DPPA4: variants seen among roughly 807,000 people sequenced by gnomAD.
The protein encoded by DPPA4 is developmental pluripotency-associated protein 4.
Under a neutral mutation model 33.7 loss-of-function variants are expected in DPPA4, and 22 were observed. The ratio of observed to expected loss-of-function variants is 0.65; its 90% CI spans 0.47 to 0.93. The LOEUF (loss-of-function observed/expected upper bound fraction) is 0.93. DPPA4 is among the 40% of genes least tolerant of loss of function. DPPA4 has a pLI of 0.00. For missense variants in DPPA4, 340 were observed against 358.6 expected (o/e 0.95, Z 0.42); for synonymous variants, 156 against 132.3 (o/e 1.18, Z -1.23).
intron 1 of DPPA4, among the ~76,000 whole-genome samples, chr3:109,335,944 G>A (rs1241407425): frequency 6.6e-6 from 1 of 151,660 alleles, no homozygotes; most frequent in Non-Finnish European, 1.5e-5. Context: ...ATTGAGGTCA[G>A]GAGTTCGAGA....
rs1380047842 is a variant in DPPA4, at chr3:109,326,704, C to CA, written c.*1283dup. ...CAGGACTATAAGTTTAGGAAGTACA[C>CA]AAAAAAATTAAAAATTAATTACACA... On this transcript the variant is annotated 3_prime_UTR_variant, in exon 7 of 7. Coordinates refer to ENST00000335658, the MANE Select transcript of DPPA4 (RefSeq NM_018189.4). 6.6e-6 allele frequency: 1 copy of CA among 151,940 alleles called. No homozygotes were observed. Among genetic ancestry groups the CA allele is most frequent in the African/African-American group, 2.4e-5 (1 of 41,358 alleles). 9.4% of individuals were successfully genotyped at this position (151,940 alleles called of 1,614,324 possible).
At chr3:109,333,356 A>C in intron 2 of DPPA4, 1 of 136,270 alleles carries the variant, frequency 7.3e-6, no homozygotes, top group African/African-American at 3.3e-5. Context: ...TCTCAAAAAA[A>C]AAAAAAAAAA....
intron 2 of DPPA4, chr3:109,333,583 C>T: frequency 4.5e-6 from 1 of 223,096 alleles, no homozygotes; most frequent in Non-Finnish European, 8.8e-6. Context: ...CTGTCTGTTC[C>T]CAAATCATTG....
At chr3:109,329,550 C>T (rs1342949044) in intron 5 of DPPA4, 1 of 161,182 alleles carries the variant, frequency 6.2e-6, no homozygotes, top group Non-Finnish European at 1.4e-5. Flanking sequence ...CAAAACAAAA[C>T]AAAAAGCATA....
intron 5 of DPPA4, 134 bp downstream of exon 5, chr3:109,330,390 A>C (rs1352056238): frequency 2.0e-6 from 2 of 976,266 alleles, no homozygotes; most frequent in South Asian, 2.7e-5. Context: ...CCTGCACCAG[A>C]AACTCTGTGG....
Position 109,330,580 on chromosome 3 carries a change from C to G in DPPA4, c.623G>C (p.Arg208Thr). 1 of 1,614,110 alleles carries G rather than the reference C, an allele frequency of 6.2e-7. No individual in the cohort carries two copies. Residue 208 changes from arginine to threonine, a missense_variant, in exon 5 of 7, where the codon AGA (arginine) becomes ACA (threonine). Arg to Thr is a moderately conservative substitution (Grantham distance 71). Around this residue, in one of 3 missense-constraint regions of DPPA4, gnomAD observed 212 missense variants for 206.5 expected, o/e 1.03. Coordinates refer to ENST00000335658, the MANE Select transcript of DPPA4 (RefSeq NM_018189.4). ...APEALLASWA[R>T]ISARARTPEA... ...TGGTGTCCTCGCCCTGGCTGAAATT[C>G]TCGCCCAGGAGGCCAGCAAAGCCTC...
intron 1 of DPPA4, among the ~76,000 whole-genome samples, chr3:109,334,276 T>G (rs1576839040): frequency 6.6e-6 from 1 of 152,170 alleles, no homozygotes; most frequent in African/African-American, 2.4e-5. Flanking sequence ...AGCGCTTAGG[T>G]AGGCTCACGC....
intron 1 of DPPA4, chr3:109,336,367 C>A (rs1708212218): frequency 6.6e-6 from 1 of 152,070 alleles, no homozygotes; most frequent in African/African-American, 2.4e-5. Flanking sequence ...AAAAATGACC[C>A]AGTTCAAGTC....
intron 6 of DPPA4, 88 bp downstream of exon 6, chr3:109,328,802 G>C: frequency 8.5e-7 from 1 of 1,175,988 alleles, no homozygotes; most frequent in Non-Finnish European, 1.2e-6. Flanking sequence ...GAAATACCTG[G>C]CTATTTAAGA....
intron 2 of DPPA4, chr3:109,333,542 C>A: frequency 4.4e-6 from 1 of 226,988 alleles, no homozygotes; most frequent in Non-Finnish European, 8.7e-6. Context: ...ATAGGAAGTC[C>A]GGTTTCAAGA....
chr3:109,335,340 G>A (rs1708169471), intron 1 of DPPA4, among the ~76,000 whole-genome samples: 1 of 152,022 alleles, frequency 6.6e-6, no homozygotes, highest in African/African-American at 2.4e-5. Flanking sequence ...TCCCCCCACT[G>A]ATCTCAATCT....
Position 109,329,049 on chromosome 3 carries a change from G to C in DPPA4, c.719C>G (p.Ala240Gly). 1 of 1,614,058 alleles carries C rather than the reference G, an allele frequency of 6.2e-7. No individual in the cohort carries two copies. Among genetic ancestry groups the C allele is most frequent in the Non-Finnish European group, 8.5e-7 (1 of 1,180,028 alleles). ...WCVVHGKSLP[A>G]DTDGWVHLQF... ...CAGGTGAACCCAACCATCTGTGTCT[G>C]CAGGGAGACTTTTCCCATGGACCAC... is the stretch of plus-strand genomic sequence containing the variant. Residue 240 changes from alanine (A) to glycine (G), a missense_variant, in exon 6 of 7, where the codon GCA becomes GGA. Ala to Gly is a moderately conservative substitution (Grantham distance 60). This residue lies in a region of DPPA4 where 212 missense variants were observed against 206.5 expected (regional missense o/e 1.03). Transcript: ENST00000335658.
chr3:109,336,148 TAA>T (rs35600274), intron 1 of DPPA4, among the ~76,000 whole-genome samples: 1 of 145,560 alleles, frequency 6.9e-6, no homozygotes, highest in African/African-American at 2.5e-5. Flanking sequence ...TCAAACTCAT[TAA>T]AAAAAAAAAA....
At chr3:109,337,201 C>CTT (rs374495042) in intron 1 of DPPA4, among the ~76,000 whole-genome samples, 7 of 145,140 alleles carry the variant, frequency 4.8e-5, no homozygotes, top group African/African-American at 1.0e-4. Flanking sequence ...CGCCCGGCCT[C>CTT]TTTTTTTTTT....
At chr3:109,331,564 A>AAAAAAAG (rs1559708949) in intron 4 of DPPA4, among the ~76,000 whole-genome samples, 170 bp downstream of exon 4, 68 of 106,070 alleles carry the variant, frequency 6.4e-4, no homozygotes, top group East Asian at 3.0e-3. Flanking sequence ...AAAAAAAAAA[A>AAAAAAAG]AAAGAAAGAA....
Position 109,333,983 on chromosome 3 carries a change from GTGGAGGTCCAC to G in DPPA4, c.55-1_64del. ...CTGATCCTCTTCCCTCGACTTCTCT[GTGGAGGTCCAC>G]TGGGGAACAGAGGAGCTGGTCAGTC... On this transcript the variant is annotated splice_acceptor_variant and coding_sequence_variant, in exon 2 of 7. Coordinates refer to ENST00000335658, the MANE Select transcript of DPPA4 (RefSeq NM_018189.4). LOFTEE classifies it high-confidence loss of function. 1 of 1,614,108 alleles carries G rather than the reference GTGGAGGTCCAC, an allele frequency of 6.2e-7. No homozygotes were observed. The highest frequency in any genetic ancestry group is 8.5e-7 in the Non-Finnish European group (1 of 1,180,004).
intron 5 of DPPA4, chr3:109,329,616 T>TG (rs1708013043): frequency 1.3e-5 from 2 of 156,154 alleles, no homozygotes; most frequent in African/African-American, 4.8e-5. Context: ...TAGTTGTAGG[T>TG]GGGCAGATGG....
At position 109,331,543 on chromosome 3, in the gene DPPA4, CAAAAAAAAA is replaced by C. The variant is rs62827961; in HGVS notation, c.390+182_390+190del. ...TGGGTGACAGTGCAAGACTCTGTCT[CAAAAAAAAA>C]AAAAAAAAAAAAAAAGAAAGAAAGA... is the stretch of plus-strand genomic sequence containing the variant. On this transcript the variant is annotated intron_variant, in intron 4 of 6. Transcript: ENST00000335658. 9.0e-3 allele frequency among the ~76,000 whole-genome samples: 647 copies of C among 71,512 alleles called. 3 individuals carry two copies. Among genetic ancestry groups the C allele is most frequent in the African/African-American group, 0.034 (610 of 17,988 alleles). 46.9% of individuals were successfully genotyped at this position (71,512 alleles called of 152,430 possible). A position where few individuals can be genotyped will look rare whatever the true frequency, so the allele number is the denominator to read the frequency against.
At chr3:109,332,201 A>G (rs1055358534) in intron 2 of DPPA4, 170 bp from the exon 3 acceptor site, 1 of 479,502 alleles carries the variant, frequency 2.1e-6, no homozygotes, top group African/African-American at 1.9e-5. Flanking sequence ...TCGTGGGTTC[A>G]AGTGATTCTC....
Sources: allele counts gnomAD v4.1 joint callset (sites outside exome capture counted in the v4.1 genomes callset), GRCh38; gene constraint gnomAD v4.1.1; regional missense constraint gnomAD v4.1.1; transcripts MANE v1.5; gene names NCBI Gene and HGNC (gene_info 2026-07-23, HGNC 2026-07-21).